Variants in SLC44A5 observed in about 807,000 individuals in gnomAD.
The protein encoded by SLC44A5 is choline transporter-like protein 5.
Under a neutral mutation model 101.8 loss-of-function variants are expected in SLC44A5, and 57 were observed. That is an observed-to-expected ratio of 0.56 (90% CI 0.45 to 0.70). SLC44A5 has a LOEUF of 0.70. Among genes scored for constraint, SLC44A5 ranks in the 30% least tolerant of loss-of-function variants. SLC44A5 has a pLI of 0.00. For missense variants in SLC44A5, 737 were observed against 853.1 expected (o/e 0.86, Z 1.70); for synonymous variants, 281 against 290.9 (o/e 0.97, Z 0.35).
At chr1:75,327,249 G>C (rs1437257464) in intron 4 of SLC44A5, among the ~76,000 whole-genome samples, 1 of 152,040 alleles carries the variant, frequency 6.6e-6, no homozygotes, top group African/African-American at 2.4e-5. Flanking sequence ...ACTTCAATCA[G>C]AAATAAACTC....
At chr1:75,694,052 G>GT in the SLC44A5 span, among the ~76,000 whole-genome samples, 1 of 151,120 alleles carries the variant, frequency 6.6e-6, no homozygotes, top group Non-Finnish European at 1.5e-5. Flanking sequence ...ATGGAGTTGA[G>GT]TTTTTTTAAA....
chr1:75,500,474 T>C (rs918548688), intron 2 of SLC44A5, among the ~76,000 whole-genome samples: 30 of 152,240 alleles, frequency 2.0e-4, no homozygotes, highest in African/African-American at 7.2e-4. Context: ...TTGGAAGCCA[T>C]ATGTTTAAAA....
intron 3 of SLC44A5, among the ~76,000 whole-genome samples, chr1:75,356,119 A>G (rs1421460777): frequency 6.7e-6 from 1 of 148,984 alleles, no homozygotes; most frequent in Non-Finnish European, 1.5e-5. Flanking sequence ...AGGCTGAGGC[A>G]TGAGAATTGC....
At chr1:75,286,742 T>A (rs755697506) in intron 5 of SLC44A5, among the ~76,000 whole-genome samples, 1 of 152,026 alleles carries the variant, frequency 6.6e-6, no homozygotes, top group Non-Finnish European at 1.5e-5. Flanking sequence ...GAAACTTGGT[T>A]TTGCTGGTTT....
At chr1:75,463,355 G>A (rs1168432544) in intron 2 of SLC44A5, among the ~76,000 whole-genome samples, 1 of 142,976 alleles carries the variant, frequency 7.0e-6, no homozygotes, top group Non-Finnish European at 1.5e-5. Flanking sequence ...GGGAGGCGGA[G>A]CTTGCAGTGA....
At chr1:75,296,255 G>A (rs1046075938) in intron 5 of SLC44A5, among the ~76,000 whole-genome samples, 11 of 151,954 alleles carry the variant, frequency 7.2e-5, no homozygotes, top group East Asian at 1.9e-4. Flanking sequence ...AAGCCTGACC[G>A]TATTCAAGGG....
At chr1:75,216,684 C>G (rs1005469873) in intron 18 of SLC44A5, among the ~76,000 whole-genome samples, 8 of 151,732 alleles carry the variant, frequency 5.3e-5, no homozygotes, top group Non-Finnish European at 4.4e-5. Flanking sequence ...GTGGTTTTGA[C>G]TTGCATTTCC....
chr1:75,537,034 A>AAAAAAAAAATATATATATATG (rs1553199990), intron 2 of SLC44A5, among the ~76,000 whole-genome samples: 2 of 18,658 alleles, frequency 1.1e-4, no homozygotes, highest in African/African-American at 2.1e-4. Flanking sequence ...AAAAAAAAAA[A>AAAAAAAAAATATATATATATG]TATATATCTA....
chr1:75,501,052 T>C (rs1173920451), intron 2 of SLC44A5, among the ~76,000 whole-genome samples: 2 of 152,182 alleles, frequency 1.3e-5, no homozygotes, highest in East Asian at 3.8e-4. Flanking sequence ...GTTGATTCTT[T>C]CCTCATCCTA....
At chr1:75,564,984 G>T (rs1399150034) in intron 1 of SLC44A5, among the ~76,000 whole-genome samples, 1 of 152,180 alleles carries the variant, frequency 6.6e-6, no homozygotes, top group Admixed American at 6.5e-5. Flanking sequence ...TTGTTACACA[G>T]ATAAACATGT....
intron 2 of SLC44A5, among the ~76,000 whole-genome samples, chr1:75,459,942 C>T (rs1188975582): frequency 6.6e-6 from 1 of 152,132 alleles, no homozygotes; most frequent in Non-Finnish European, 1.5e-5. Context: ...TTATACAAAG[C>T]AGTGCTTAAG....
At chr1:75,233,448 TTATTTAGCTCCCAC>T (rs1647781001) in intron 12 of SLC44A5, among the ~76,000 whole-genome samples, 1 of 114,474 alleles carries the variant, frequency 8.7e-6, no homozygotes, top group Non-Finnish European at 1.9e-5. Flanking sequence ...CTCCCACACA[TTATTTAGCTCCCAC>T]AGACAGTACT....
At chr1:75,418,810 TTAAAAG>T (rs1663823159) in intron 2 of SLC44A5, among the ~76,000 whole-genome samples, 1 of 152,184 alleles carries the variant, frequency 6.6e-6, no homozygotes, top group South Asian at 2.1e-4. Context: ...TTTGAATTGA[TTAAAAG>T]TAAAGCAGGA....
intron 2 of SLC44A5, among the ~76,000 whole-genome samples, chr1:75,514,896 T>C (rs759355341): frequency 2.6e-5 from 4 of 152,200 alleles, no homozygotes; most frequent in Non-Finnish European, 5.9e-5. Context: ...ATGGACCCTA[T>C]GGATGGAGAT....
At chr1:75,708,256 CA>C in the SLC44A5 span, among the ~76,000 whole-genome samples, 207 of 135,252 alleles carry the variant, frequency 1.5e-3, no homozygotes, top group Middle Eastern at 3.6e-3. Context: ...ACTGAAAATA[CA>C]AAAAAAAAAA....
chr1:75,618,521 T>C, the SLC44A5 span, among the ~76,000 whole-genome samples: 5 of 152,296 alleles, frequency 3.3e-5, no homozygotes, highest in Non-Finnish European at 5.9e-5. Flanking sequence ...AGTATAAATA[T>C]ACAGTCATGC....
chr1:75,339,037 C>G (rs1325598224), intron 4 of SLC44A5, among the ~76,000 whole-genome samples: 1 of 152,114 alleles, frequency 6.6e-6, no homozygotes, highest in African/African-American at 2.4e-5. Flanking sequence ...TGGCACAGAA[C>G]CTTGGAGAGG....
chr1:75,203,933 T>A, intron 23 of SLC44A5, 100 bp from the exon 24 acceptor site: 1 of 1,164,966 alleles, frequency 8.6e-7, no homozygotes, highest in Non-Finnish European at 1.1e-6. Flanking sequence ...TTCAAAATCC[T>A]TTTGTTGTTT....
At chr1:75,689,165 G>A in the SLC44A5 span, among the ~76,000 whole-genome samples, 1 of 152,234 alleles carries the variant, frequency 6.6e-6, no homozygotes, top group South Asian at 2.1e-4. Flanking sequence ...AAATGACTTG[G>A]CATGAGTATT....
Sources: allele counts gnomAD v4.1 joint callset (sites outside exome capture counted in the v4.1 genomes callset), GRCh38; gene constraint gnomAD v4.1.1; transcripts MANE v1.5; gene names NCBI Gene and HGNC (gene_info 2026-07-23, HGNC 2026-07-21).